The following PGBD5 variants were observed in gnomAD, a reference collection of about 807,000 sequenced individuals.
PGBD5 encodes piggyBac transposable element-derived protein 5.
Under a neutral mutation model 47.9 loss-of-function variants are expected in PGBD5, and 14 were observed. The ratio of observed to expected loss-of-function variants is 0.29; its 90% CI spans 0.19 to 0.46. The LOEUF (loss-of-function observed/expected upper bound fraction) is 0.46. Among genes scored for constraint, PGBD5 ranks in the 20% least tolerant of loss-of-function variants. The pLI is 1.00. For missense variants in PGBD5, 635 were observed against 716.0 expected, an observed-to-expected ratio of 0.89 and a Z score of 1.29; for synonymous variants, 316 against 306.3, an observed-to-expected ratio of 1.03 and a Z score of -0.33.
rs1667071408 is a variant in PGBD5, at chr1:230,323,617, A to G, written c.1383T>C (p.Tyr461=). 2 of 1,613,220 alleles carry G rather than the reference A, an allele frequency of 1.2e-6. No homozygotes were observed. Among genetic ancestry groups the G allele is most frequent in the African/African-American group, 1.3e-5 (1 of 74,890 alleles). ...ICRYDDKYSK[Y]FISHKPNKTW... ...TCTTGTTTGGTTTATGAGAAATGAAATACCTGAGGACAGAGGGAATAAGAA... is the reference window on the plus strand; with the variant it reads ...TCTTGTTTGGTTTATGAGAAATGAAGTACCTGAGGACAGAGGGAATAAGAA... The change falls in exon 7 of 7, where the codon TAT becomes TAC. Residue 461 remains tyrosine, a synonymous_variant. Transcript: ENST00000391860. This position sits in a 1 kb window ranked among gnomAD's most constrained non-coding sequence, Gnocchi z 4.1.
chr1:230,400,112 T>G (rs1242470839), intron 1 of PGBD5, among the ~76,000 whole-genome samples: 1 of 152,218 alleles, frequency 6.6e-6, no homozygotes, highest in Non-Finnish European at 1.5e-5. Flanking sequence ...GCCTCCACCC[T>G]GCAGCTCTCT....
rs1002420939 is a variant in PGBD5, at chr1:230,316,432, T to C, written c.*6993A>G. On this transcript the variant is annotated 3_prime_UTR_variant, in exon 7 of 7. Coordinates refer to ENST00000391860, the MANE Select transcript of PGBD5 (RefSeq NM_001258311.2). ...AATTGTTCTGGGCCCATCTTTCCAATCTATTGAAATAATAGGGACTGCATC... is the reference window on the plus strand; with the variant it reads ...AATTGTTCTGGGCCCATCTTTCCAACCTATTGAAATAATAGGGACTGCATC... 3.3e-5 allele frequency: 5 copies of C among 152,292 alleles called. No homozygotes were observed. Among genetic ancestry groups the C allele is most frequent in the Admixed American group, 3.3e-4 (5 of 15,296 alleles). 9.4% of individuals were successfully genotyped at this position (152,292 alleles called of 1,614,324 possible).
chr1:230,376,037 CTGT>C (rs1668008816), intron 1 of PGBD5, among the ~76,000 whole-genome samples: 1 of 151,930 alleles, frequency 6.6e-6, no homozygotes, highest in Non-Finnish European at 1.5e-5. Flanking sequence ...ACTGTTGCTG[CTGT>C]TGTTATTTTC....
intron 1 of PGBD5, among the ~76,000 whole-genome samples, chr1:230,394,000 C>T (rs964440737): frequency 9.9e-5 from 15 of 152,180 alleles, no homozygotes; most frequent in African/African-American, 1.7e-4. Flanking sequence ...TGGCTCATTC[C>T]GCCCCTGACT....
chr1:230,409,141 G>A (rs1657362157), intron 1 of PGBD5, among the ~76,000 whole-genome samples: 1 of 152,166 alleles, frequency 6.6e-6, no homozygotes, highest in South Asian at 2.1e-4. Context: ...GGAAACACAA[G>A]TCAAAACCTC....
In PGBD5 at chr1:230,332,979, T is replaced by C; in HGVS notation, c.1138A>G (p.Met380Val). The stretch of plus-strand genomic sequence containing the variant: ...GGGGGTGTGGCTGGGTTGGTCAGCA[T>C]GGACAGTGGGAGGCCGGTGCAGTCA... The part of the protein sequence containing the change: ...KSDCTGLPLS[M>V]LTNPATPPAR... Residue 380 changes from methionine (M) to valine (V), a missense_variant, in exon 5 of 7, where the codon ATG (methionine) becomes GTG (valine). By Grantham distance (21) the Met-to-Val change is conservative. Coordinates refer to ENST00000391860, the MANE Select transcript of PGBD5 (RefSeq NM_001258311.2). 1 of 1,613,820 alleles carries C rather than the reference T, an allele frequency of 6.2e-7. No homozygotes were observed. Among genetic ancestry groups the C allele is most frequent in the Non-Finnish European group, 8.5e-7 (1 of 1,179,804 alleles).
At chr1:230,333,083 G>A (rs1374221736) in intron 4 of PGBD5, 42 bp from the exon 5 acceptor site, 3 of 1,547,328 alleles carry the variant, frequency 1.9e-6, no homozygotes, top group Non-Finnish European at 2.6e-6. Flanking sequence ...CACCACCATC[G>A]GAGATGCCGG....
intron 3 of PGBD5, among the ~76,000 whole-genome samples, chr1:230,349,970 A>T (rs892137600): frequency 6.6e-6 from 1 of 151,964 alleles, no homozygotes; most frequent in Non-Finnish European, 1.5e-5. Flanking sequence ...TGGAGGGAAG[A>T]CATTTTCCCG....
chr1:230,318,362 C>G lies in PGBD5; in HGVS notation c.*5063G>C, dbSNP rs779539002. On this transcript the variant is annotated 3_prime_UTR_variant, in exon 7 of 7. Coordinates refer to ENST00000391860, the MANE Select transcript of PGBD5 (RefSeq NM_001258311.2). Reference sequence around the variant, plus strand: ...AGTGATGGAGTCAAAAGTGAGAAGCCTCAGTCATGTTCCTGATAAGAACGG... The same window carrying G: ...AGTGATGGAGTCAAAAGTGAGAAGCGTCAGTCATGTTCCTGATAAGAACGG... The G allele has an allele frequency of 6.6e-6, 1 of 152,216 alleles. No individual in the cohort carries two copies. Among genetic ancestry groups the G allele is most frequent in the African/African-American group, 2.4e-5 (1 of 41,420 alleles). 9.4% of individuals were successfully genotyped at this position (152,216 alleles called of 1,614,324 possible).
In PGBD5 at chr1:230,425,749, CGAG is replaced by C; in HGVS notation, c.177_179del (p.Ser60del). 8.2e-7 allele frequency: 1 copy of C among 1,212,444 alleles called. No homozygotes were observed. The highest frequency in any genetic ancestry group is 1.0e-6 in the Non-Finnish European group (1 of 975,652). 75.1% of individuals were successfully genotyped at this position (1,212,444 alleles called of 1,614,324 possible). A position where few individuals can be genotyped will look rare whatever the true frequency, so the allele number is the denominator to read the frequency against. ...GTCCCGGGGGCTCGCGCTCGTCGTC[CGAG>C]GAGGCGGCCGAGGAGGAGCGCGAGG... On this transcript the variant is annotated inframe_deletion, in exon 1 of 7. Coordinates refer to ENST00000391860, the MANE Select transcript of PGBD5 (RefSeq NM_001258311.2). The surrounding 1 kb of genome is among the most constrained non-coding windows in gnomAD (Gnocchi z 4.7).
chr1:230,364,829 TG>T (rs1667802999), intron 1 of PGBD5, among the ~76,000 whole-genome samples: 1 of 151,876 alleles, frequency 6.6e-6, no homozygotes, highest in Non-Finnish European at 1.5e-5. Context: ...GAGACCAGCC[TG>T]GCCAACATGG....
In PGBD5 at chr1:230,384,025, G is replaced by A. The variant is rs527426552; in HGVS notation, c.332-26704C>T. Among the ~76,000 whole-genome samples, 9 of 149,638 alleles carry A rather than the reference G, an allele frequency of 6.0e-5. No homozygotes were observed. The South Asian group carries it at 1.1e-3, about 18-fold the overall frequency. ...GAGAAACAGCGTGCTTGTCCCGTCC[G>A]TCCAAGCACAGTTGAAAAGCCTTCC... On this transcript the variant is annotated intron_variant, in intron 1 of 6. Transcript: ENST00000391860.
At chr1:230,424,564 C>A (rs1272812285) in intron 1 of PGBD5, among the ~76,000 whole-genome samples, 1 of 152,240 alleles carries the variant, frequency 6.6e-6, no homozygotes, top group African/African-American at 2.4e-5. Context: ...GCCTGCCTTC[C>A]CATGTGCCGT....
At chr1:230,365,301 A>G (rs1385663631) in intron 1 of PGBD5, among the ~76,000 whole-genome samples, 1 of 143,804 alleles carries the variant, frequency 7.0e-6, no homozygotes, top group Non-Finnish European at 1.5e-5. Context: ...CGACAGAAAG[A>G]GACTCCATCT....
intron 5 of PGBD5, among the ~76,000 whole-genome samples, chr1:230,327,572 C>A (rs1400464193): frequency 1.3e-5 from 2 of 152,232 alleles, no homozygotes; most frequent in African/African-American, 4.8e-5. Context: ...TATCCAAGGG[C>A]CAGAAAACCA....
At chr1:230,365,038 G>A (rs1414472179) in intron 1 of PGBD5, among the ~76,000 whole-genome samples, 1 of 139,300 alleles carries the variant, frequency 7.2e-6, no homozygotes. Flanking sequence ...AAAAGGCCAG[G>A]TGTGGTGGCT....
intron 1 of PGBD5, among the ~76,000 whole-genome samples, chr1:230,384,954 T>C (rs1019084959): frequency 6.6e-6 from 1 of 152,234 alleles, no homozygotes; most frequent in Non-Finnish European, 1.5e-5. Flanking sequence ...CGGCTGGTTA[T>C]AGAAGTATTT....
rs1439572001 is a variant in PGBD5 at position 230,357,667 on chromosome 1, C to T, written c.332-346G>A. Among the ~76,000 whole-genome samples the T allele has an allele frequency of 1.3e-5, 2 of 152,190 alleles. No individual in the cohort carries two copies. The highest frequency in any genetic ancestry group is 2.4e-5 in the African/African-American group (1 of 41,444). ...ACCGGAGGACAGCCCTCGGGGGGCG[C>T]AGTCACGTGGAATCCCTGCTCTCCA... On this transcript the variant is annotated intron_variant, in intron 1 of 6. Coordinates refer to ENST00000391860, the MANE Select transcript of PGBD5 (RefSeq NM_001258311.2). The surrounding 1 kb of genome is among the most constrained non-coding windows in gnomAD (Gnocchi z 5.7).
intron 1 of PGBD5, among the ~76,000 whole-genome samples, chr1:230,375,278 T>C (rs1667992908): frequency 6.6e-6 from 1 of 152,210 alleles, no homozygotes; most frequent in Non-Finnish European, 1.5e-5. Context: ...TAAATGCTTC[T>C]CTCTGTAACA....
Sources: gnomAD v4.1 joint callset for allele counts (sites outside exome capture counted in the v4.1 genomes callset) on GRCh38, gnomAD v4.1.1 for gene constraint, Gnocchi (gnomAD v3.1) non-coding constraint, MANE v1.5 for transcripts, NCBI Gene and HGNC (gene_info 2026-07-23, HGNC 2026-07-21) for gene names.